FYN: variants seen among roughly 807,000 people sequenced by gnomAD.
FYN encodes the protein tyrosine-protein kinase Fyn.
In FYN, 10 loss-of-function variants were observed where a neutral mutation model predicts 70.2. The observed-to-expected ratio is 0.14, with a 90% CI of 0.09 to 0.24. The LOEUF (loss-of-function observed/expected upper bound fraction) is 0.24, where lower values mean the gene tolerates loss of function less well. Ranked by LOEUF, FYN falls within the 10% of genes least tolerant of loss-of-function variation. FYN has a pLI of 1.00. For synonymous variants in FYN, 236 were observed against 248.6 expected (o/e 0.95, Z 0.48); for missense variants, 319 against 673.1 (o/e 0.47, Z 5.82).
At chr6:111,721,728 T>C (rs1309648691) in intron 3 of FYN, among the ~76,000 whole-genome samples, 2 of 151,352 alleles carry the variant, frequency 1.3e-5, no homozygotes, top group Non-Finnish European at 2.9e-5. Flanking sequence ...TTATCAGCAG[T>C]GTACCTTGCA....
chr6:111,688,356 G>A (rs1246459327), intron 12 of FYN, among the ~76,000 whole-genome samples: 1 of 152,158 alleles, frequency 6.6e-6, no homozygotes, highest in Admixed American at 6.5e-5. Flanking sequence ...ACCCTTTCTG[G>A]AGGTTCCTGC....
intron 1 of FYN, among the ~76,000 whole-genome samples, chr6:111,859,624 T>A (rs114702362): frequency 1.3e-3 from 196 of 152,322 alleles, no homozygotes; most frequent in African/African-American, 4.5e-3. Flanking sequence ...ATAGTTAAAA[T>A]CAAACAGGTA....
At chr6:111,716,783 A>T (rs1398598104) in intron 4 of FYN, among the ~76,000 whole-genome samples, 4 of 141,186 alleles carry the variant, frequency 2.8e-5, no homozygotes, top group East Asian at 2.0e-4. Context: ...AAGAGAGTTA[A>T]TTTTTTTTTT....
At chr6:111,818,199 T>C (rs1047397327) in intron 2 of FYN, among the ~76,000 whole-genome samples, 1 of 152,120 alleles carries the variant, frequency 6.6e-6, no homozygotes, top group African/African-American at 2.4e-5. Context: ...TGCACAGAAA[T>C]GGCAAGGTGA....
chr6:111,751,834 G>C (rs1171510727), intron 3 of FYN, among the ~76,000 whole-genome samples: 1 of 151,990 alleles, frequency 6.6e-6, no homozygotes, highest in Non-Finnish European at 1.5e-5. Context: ...GCCCAGGCTG[G>C]TGTTGAACTC....
At chr6:111,718,314 A>G (rs1001061720) in intron 4 of FYN, among the ~76,000 whole-genome samples, 1 of 152,214 alleles carries the variant, frequency 6.6e-6, no homozygotes, top group Non-Finnish European at 1.5e-5. Flanking sequence ...CATATATATT[A>G]AAACCAAATA....
intron 3 of FYN, among the ~76,000 whole-genome samples, chr6:111,737,006 A>G (rs956778228): frequency 5.3e-5 from 8 of 152,204 alleles, no homozygotes; most frequent in South Asian, 4.1e-4. Flanking sequence ...ACTGTTTGAA[A>G]TCTGTTTCTG....
At chr6:111,850,589 G>A (rs1773658663) in intron 1 of FYN, among the ~76,000 whole-genome samples, 1 of 152,198 alleles carries the variant, frequency 6.6e-6, no homozygotes, top group Non-Finnish European at 1.5e-5. Flanking sequence ...TAGGATCAAA[G>A]GCACAAAAAT....
In FYN at chr6:111,703,989, G is replaced by C. The variant is rs144496887; in HGVS notation, c.547+10C>G. 5.7e-5 allele frequency: 91 copies of C among 1,604,268 alleles called. No homozygotes were observed. The African/African-American group carries it at 9.1e-4, about 16-fold the overall frequency. ...AATGACAAGCCAACTTCTTCAACTC[G>C]TTATCTTACCTTTGGTGGTTTCACT... is the stretch of plus-strand genomic sequence containing the variant. On this transcript the variant is annotated intron_variant, in intron 7 of 13. Transcript: ENST00000354650.
At chr6:111,761,415 G>T (rs542667687) in intron 3 of FYN, among the ~76,000 whole-genome samples, 9 of 152,328 alleles carry the variant, frequency 5.9e-5, no homozygotes, top group South Asian at 2.1e-4. Flanking sequence ...CATGAGATGG[G>T]TTCCTCTTTG....
At chr6:111,783,389 C>G (rs1771248520) in intron 2 of FYN, among the ~76,000 whole-genome samples, 1 of 152,208 alleles carries the variant, frequency 6.6e-6, no homozygotes, top group Non-Finnish European at 1.5e-5. Flanking sequence ...ATTTGGCACA[C>G]TCTTTTTATA....
intron 3 of FYN, among the ~76,000 whole-genome samples, chr6:111,727,628 C>A (rs1475066417): frequency 2.6e-5 from 4 of 152,170 alleles, no homozygotes; most frequent in Non-Finnish European, 5.9e-5. Context: ...ACAGAGCCTA[C>A]TTAAAAATCA....
chr6:111,859,000 C>A (rs905098938), intron 1 of FYN, among the ~76,000 whole-genome samples: 1 of 152,088 alleles, frequency 6.6e-6, no homozygotes, highest in Non-Finnish European at 1.5e-5. Flanking sequence ...CTCTGTTCTA[C>A]CATTGAGTGG....
Position 111,678,782 on chromosome 6 carries a change from ACT to A in FYN, c.1274-4154_1274-4153del, listed in dbSNP as rs559103667. On this transcript the variant is annotated intron_variant, in intron 12 of 13. Transcript: ENST00000354650. ...TCCTGAGAATCATCCTCACCTGGAC[ACT>A]CTATTTTTCATCACTGTGCACTCAG... 3.9e-5 allele frequency among the ~76,000 whole-genome samples: 6 copies of A among 152,144 alleles called. No homozygotes were observed. The South Asian group carries it at 1.2e-3, about 32-fold the overall frequency.
At chr6:111,693,529 G>A (rs1799442970) in intron 12 of FYN, among the ~76,000 whole-genome samples, 1 of 152,150 alleles carries the variant, frequency 6.6e-6, no homozygotes, top group Non-Finnish European at 1.5e-5. Flanking sequence ...CTCCTTTCTA[G>A]TATCTGGTGC....
chr6:111,707,918 A>T lies in FYN; in HGVS notation c.443+4T>A. 6.2e-7 allele frequency: 1 copy of T among 1,607,822 alleles called. No homozygotes were observed. Among genetic ancestry groups the T allele is most frequent in the Non-Finnish European group, 8.5e-7 (1 of 1,174,314 alleles). ...TAGTTAAGTGAAAACAAAATGAAAC[A>T]TACTCTTCTGCCTGGATAGAGTCAA... is the stretch of plus-strand genomic sequence containing the variant. On this transcript the variant is annotated splice_donor_region_variant and intron_variant, in intron 6 of 13. Transcript: ENST00000354650.
At chr6:111,781,543 A>G (rs1319065459) in intron 2 of FYN, among the ~76,000 whole-genome samples, 3 of 152,178 alleles carry the variant, frequency 2.0e-5, no homozygotes, top group African/African-American at 7.2e-5. Context: ...CTGTCGAGTC[A>G]TGTTAGCCTG....
At chr6:111,731,190 C>T (rs142642575) in intron 3 of FYN, among the ~76,000 whole-genome samples, 8 of 152,316 alleles carry the variant, frequency 5.3e-5, no homozygotes, top group East Asian at 1.9e-4. Context: ...AGAGGTTCCT[C>T]GCCAGATGAT....
chr6:111,679,465 C>T (rs1267267673), intron 12 of FYN, among the ~76,000 whole-genome samples: 1 of 152,166 alleles, frequency 6.6e-6, no homozygotes, highest in Non-Finnish European at 1.5e-5. Flanking sequence ...TCCCAGATGG[C>T]CACATCTCCA....
Sources: allele counts gnomAD v4.1 joint callset (sites outside exome capture counted in the v4.1 genomes callset), GRCh38; gene constraint gnomAD v4.1.1; transcripts MANE v1.5; gene names NCBI Gene and HGNC (gene_info 2026-07-23, HGNC 2026-07-21).